Variants in LEF1 observed in about 807,000 individuals in gnomAD.
The protein encoded by LEF1 is lymphoid enhancer-binding factor 1.
LEF1 carries 14 observed loss-of-function variants against 51.2 expected under a neutral mutation model. That is an observed-to-expected ratio of 0.27 (90% CI 0.18 to 0.43). The LOEUF (loss-of-function observed/expected upper bound fraction) is 0.43. Among genes scored for constraint, LEF1 ranks in the 20% least tolerant of loss-of-function variants. The pLI, the probability that LEF1 is intolerant of heterozygous loss-of-function variation, is 1.00. For synonymous variants in LEF1, 185 were observed against 183.2 expected (o/e 1.01, Z -0.08); for missense variants, 386 against 512.0 (o/e 0.75, Z 2.37).
At chr4:108,107,204 G>A (rs1415997178) in intron 3 of LEF1, among the ~76,000 whole-genome samples, 1 of 151,962 alleles carries the variant, frequency 6.6e-6, no homozygotes, top group Non-Finnish European at 1.5e-5. Flanking sequence ...AAGAAGAGCT[G>A]AGGTCAATGA....
At chr4:108,114,543 T>C (rs1266103848) in intron 3 of LEF1, among the ~76,000 whole-genome samples, 1 of 152,140 alleles carries the variant, frequency 6.6e-6, no homozygotes, top group Non-Finnish European at 1.5e-5. Flanking sequence ...GGTAAGCAGT[T>C]TGGGGAAACA....
At chr4:108,090,407 G>A (rs1402782363) in intron 3 of LEF1, among the ~76,000 whole-genome samples, 2 of 152,004 alleles carry the variant, frequency 1.3e-5, no homozygotes, top group South Asian at 2.1e-4. Flanking sequence ...TTTAATTCAA[G>A]TTATCTAATT....
At chr4:108,070,878 T>C in intron 8 of LEF1, 108 bp from the exon 9 acceptor site, 1 of 787,766 alleles carries the variant, frequency 1.3e-6, no homozygotes, top group South Asian at 1.8e-5. Flanking sequence ...TAAACTTTGA[T>C]TTATTTTTAA....
chr4:108,114,796 T>C (rs1205643891), intron 3 of LEF1, among the ~76,000 whole-genome samples: 1 of 152,202 alleles, frequency 6.6e-6, no homozygotes, highest in Non-Finnish European at 1.5e-5. Flanking sequence ...GAAGTGTATG[T>C]GCAATGTCTG....
chr4:108,111,748 C>A (rs753718477), intron 3 of LEF1, among the ~76,000 whole-genome samples: 23 of 152,032 alleles, frequency 1.5e-4, no homozygotes, highest in Middle Eastern at 3.4e-3. Flanking sequence ...TCTGTCTCTA[C>A]AAAAAAATAC....
At chr4:108,099,907 C>A (rs114790818) in intron 3 of LEF1, among the ~76,000 whole-genome samples, 42 of 151,962 alleles carry the variant, frequency 2.8e-4, no homozygotes, top group African/African-American at 1.0e-3. Context: ...TTCAACTTGC[C>A]AGTCAACTCA....
chr4:108,077,738 C>G (rs1738989048), intron 8 of LEF1, among the ~76,000 whole-genome samples: 1 of 152,238 alleles, frequency 6.6e-6, no homozygotes, highest in South Asian at 2.1e-4. Flanking sequence ...GCTGCCCCAT[C>G]TGGGAAGTGA....
intron 11 of LEF1, among the ~76,000 whole-genome samples, chr4:108,059,059 T>A (rs1027732136): frequency 6.6e-6 from 1 of 152,188 alleles, no homozygotes; most frequent in Non-Finnish European, 1.5e-5. Context: ...CTTTTAGGGA[T>A]CTCATTTCCA....
intron 3 of LEF1, among the ~76,000 whole-genome samples, chr4:108,151,816 G>T (rs543255137): frequency 1.3e-5 from 2 of 152,258 alleles, no homozygotes; most frequent in East Asian, 3.9e-4. Context: ...TTGGCTTTGC[G>T]ATTCCATACA....
chr4:108,084,008 T>TTGA (rs1177873074), intron 4 of LEF1, among the ~76,000 whole-genome samples: 1 of 152,208 alleles, frequency 6.6e-6, no homozygotes, highest in East Asian at 1.9e-4. Flanking sequence ...GTCTAAGCTC[T>TTGA]TCATCAAGTT....
At chr4:108,050,697 C>T (rs945174752) in intron 11 of LEF1, among the ~76,000 whole-genome samples, 7 of 152,238 alleles carry the variant, frequency 4.6e-5, no homozygotes, top group Non-Finnish European at 8.8e-5. Context: ...CCTGGTGAGG[C>T]CTGGCCTTGC....
At chr4:108,098,544 C>T (rs184747232) in intron 3 of LEF1, among the ~76,000 whole-genome samples, 1 of 152,114 alleles carries the variant, frequency 6.6e-6, no homozygotes, top group Admixed American at 6.5e-5. Context: ...AAAGCATTTG[C>T]CTTATTTTAG....
intron 3 of LEF1, among the ~76,000 whole-genome samples, chr4:108,090,477 C>T (rs1356872626): frequency 6.6e-6 from 1 of 152,064 alleles, no homozygotes; most frequent in Admixed American, 6.6e-5. Flanking sequence ...TTGTTCCCCC[C>T]AACCCAAAAG....
At chr4:108,070,608 G>A (rs1015659112) in intron 9 of LEF1, 55 bp downstream of exon 9, 35 of 1,173,106 alleles carry the variant, frequency 3.0e-5, no homozygotes, top group Admixed American at 5.2e-5. Flanking sequence ...CTTCTTGAAC[G>A]CAAAAGAGCG....
intron 3 of LEF1, among the ~76,000 whole-genome samples, chr4:108,116,321 G>C (rs1003033142): frequency 2.0e-4 from 31 of 152,296 alleles, no homozygotes; most frequent in African/African-American, 7.0e-4. Context: ...AGGAGTTCAA[G>C]ACCAGCCTGG....
At chr4:108,093,654 T>G (rs2110278024) in intron 3 of LEF1, among the ~76,000 whole-genome samples, 1 of 152,216 alleles carries the variant, frequency 6.6e-6, no homozygotes, top group South Asian at 2.1e-4. Flanking sequence ...CAGTAAGAGT[T>G]AGGCCAAAAC....
At chr4:108,106,532 A>G (rs1049508613) in intron 3 of LEF1, among the ~76,000 whole-genome samples, 1 of 152,162 alleles carries the variant, frequency 6.6e-6, no homozygotes, top group Non-Finnish European at 1.5e-5. Flanking sequence ...AGTGGAAGCA[A>G]GCCAGCGACA....
At chr4:108,166,375 G>C in intron 1 of LEF1, 1 of 1,476,862 alleles carries the variant, frequency 6.8e-7, no homozygotes. Flanking sequence ...CTTTTTGGGG[G>C]TAGAAAGATG....
intron 5 of LEF1, among the ~76,000 whole-genome samples, chr4:108,081,882 C>T (rs1338922454): frequency 6.6e-6 from 1 of 152,188 alleles, no homozygotes. Context: ...CTCCCACCCT[C>T]AACTTTGAAA....
Sources: allele counts gnomAD v4.1 joint callset (sites outside exome capture counted in the v4.1 genomes callset), GRCh38; gene constraint gnomAD v4.1.1; transcripts MANE v1.5; gene names NCBI Gene and HGNC (gene_info 2026-07-23, HGNC 2026-07-21).